ARHGEF3: variants seen among roughly 807,000 people sequenced by gnomAD.
The protein encoded by ARHGEF3 is Rho guanine nucleotide exchange factor 3, also known as 59.8 kDA protein.
Under a neutral mutation model 63.2 loss-of-function variants are expected in ARHGEF3, and 28 were observed. That is an observed-to-expected ratio of 0.44 (90% confidence interval 0.33 to 0.61). The LOEUF is 0.61. ARHGEF3 is among the 20% of genes least tolerant of loss of function. The probability of loss-of-function intolerance (pLI) is 0.03; values close to 1 mark genes in which losing one functional copy is unlikely to be tolerated. For synonymous variants in ARHGEF3, 266 were observed against 254.2 expected, an observed-to-expected ratio of 1.05 and a Z score of -0.44; for missense variants, 533 against 659.3, an observed-to-expected ratio of 0.81 and a Z score of 2.10.
intron 2 of ARHGEF3, among the ~76,000 whole-genome samples, chr3:57,024,551 G>A (rs1046922999): frequency 2.0e-5 from 3 of 152,008 alleles, no homozygotes; most frequent in South Asian, 2.1e-4. Flanking sequence ...GCAGTGGTGC[G>A]ATCTCGGCTC....
chr3:56,755,518 A>G (rs2035019435), intron 2 of ARHGEF3, among the ~76,000 whole-genome samples: 1 of 152,210 alleles, frequency 6.6e-6, no homozygotes, highest in African/African-American at 2.4e-5. Context: ...ACAATAGTGG[A>G]TGGCCTTTAT....
intron 2 of ARHGEF3, among the ~76,000 whole-genome samples, chr3:57,017,005 GTCTCTCTCTC>G (rs370663400): frequency 2.3e-5 from 3 of 129,134 alleles, no homozygotes; most frequent in South Asian, 2.6e-4. Flanking sequence ...CTTTCTCTCT[GTCTCTCTCTC>G]TCTCTCTCTC....
chr3:56,745,138 T>TG (rs1466267894), intron 7 of ARHGEF3, 67 bp downstream of exon 7: 1 of 1,554,194 alleles, frequency 6.4e-7, no homozygotes, highest in African/African-American at 1.4e-5. Context: ...ATTCACCCAC[T>TG]GACCCAATCC....
At chr3:56,816,168 T>C (rs547004768) in intron 4 of ARHGEF3, among the ~76,000 whole-genome samples, 116 of 152,256 alleles carry the variant, frequency 7.6e-4, no homozygotes, top group African/African-American at 2.7e-3. Flanking sequence ...TGAGCTATGA[T>C]TGTACCACTA....
chr3:56,889,333 C>G (rs774284170), intron 3 of ARHGEF3, among the ~76,000 whole-genome samples: 12 of 152,148 alleles, frequency 7.9e-5, no homozygotes, highest in African/African-American at 2.4e-4. Context: ...GTGGTCCAAG[C>G]CTGAATAGCG....
chr3:57,062,702 G>GCACA (rs148193521), intron 1 of ARHGEF3, among the ~76,000 whole-genome samples: 1 of 150,192 alleles, frequency 6.7e-6, no homozygotes, highest in Non-Finnish European at 1.5e-5. Context: ...CTACACACAT[G>GCACA]CACACACACA....
chr3:56,886,445 ATT>A (rs1221018072), intron 3 of ARHGEF3, among the ~76,000 whole-genome samples: 1 of 152,160 alleles, frequency 6.6e-6, no homozygotes, highest in Non-Finnish European at 1.5e-5. Context: ...ACATAAAGAC[ATT>A]TCACGCTCTA....
At chr3:56,815,161 A>T (rs1039384) in intron 4 of ARHGEF3, among the ~76,000 whole-genome samples, 1 of 151,652 alleles carries the variant, frequency 6.6e-6, no homozygotes, top group African/African-American at 2.4e-5. Context: ...ATTAAAAAAA[A>T]AAAAAAAAGA....
rs567560961 is a variant in ARHGEF3, at chr3:56,950,528, A to G, written c.129+8295T>C. On this transcript the variant is annotated intron_variant, in intron 3 of 12. Coordinates refer to the ARHGEF3 transcript ENST00000338458. ...TATGCAGCCAAAAGACACATGAAAA[A>G]ATGCTCATCATCACTGGCCATCAGA... Among the ~76,000 whole-genome samples the G allele has an allele frequency of 2.6e-3, 389 of 152,244 alleles. 8 individuals are homozygous for G. The highest frequency in any genetic ancestry group is 9.1e-3 in the African/African-American group (377 of 41,472).
chr3:56,949,018 C>T lies in ARHGEF3; in HGVS notation c.129+9805G>A, dbSNP rs900215374. Among the ~76,000 whole-genome samples, 132 of 151,976 alleles carry T rather than the reference C, an allele frequency of 8.7e-4. 4 individuals are homozygous for T. Among genetic ancestry groups the T allele is most frequent in the African/African-American group, 3.0e-3 (122 of 41,338 alleles). ...TAATCCAGCATAAAAACAGAACCAA[C>T]GACAAAAACCATATGATTATCTCAA... is the stretch of plus-strand genomic sequence containing the variant. On this transcript the variant is annotated intron_variant, in intron 3 of 12. Coordinates refer to the ARHGEF3 transcript ENST00000338458.
At chr3:56,739,962 C>G (rs1290993816) in intron 7 of ARHGEF3, among the ~76,000 whole-genome samples, 3 of 151,192 alleles carry the variant, frequency 2.0e-5, no homozygotes, top group African/African-American at 7.3e-5. Flanking sequence ...TGCAATGGCA[C>G]GATCTTGGCT....
intron 1 of ARHGEF3, among the ~76,000 whole-genome samples, chr3:57,052,846 T>C (rs1443012685): frequency 6.6e-6 from 1 of 151,932 alleles, no homozygotes; most frequent in Non-Finnish European, 1.5e-5. Context: ...CCAGAGACCA[T>C]CTAGAGCACA....
intron 3 of ARHGEF3, among the ~76,000 whole-genome samples, chr3:56,754,739 T>C (rs144178253): frequency 3.2e-4 from 48 of 152,200 alleles, no homozygotes; most frequent in African/African-American, 1.1e-3. Flanking sequence ...AAATAGACAC[T>C]TGGTTTCATC....
At position 56,859,181 on chromosome 3, in the gene ARHGEF3, C is replaced by T. The variant is rs537189891; in HGVS notation, c.192+23111G>A. Among the ~76,000 whole-genome samples, 133 of 152,112 alleles carry T rather than the reference C, an allele frequency of 8.7e-4. 1 individual carries two copies. The South Asian group carries it at 0.021, about 25-fold the overall frequency. On this transcript the variant is annotated intron_variant, in intron 4 of 12. Transcript: ENST00000338458. Reference sequence around the variant, plus strand: ...TTATTGTTTTGTTTTGTTTTTGAGACGGATGGAGTGTAGCGGTGTGATCTC... The same window carrying T: ...TTATTGTTTTGTTTTGTTTTTGAGATGGATGGAGTGTAGCGGTGTGATCTC...
rs569890688 is a variant in ARHGEF3, at chr3:56,991,429, G to A, written c.63-32540C>T. On this transcript the variant is annotated intron_variant, in intron 2 of 12. Coordinates refer to the ARHGEF3 transcript ENST00000338458. ...TTTCAAAGTCATCTATCTACACCCC[G>A]AGTCTGCTTACAGGGAGGTTATTTT... Among the ~76,000 whole-genome samples the A allele has an allele frequency of 3.3e-5, 5 of 152,220 alleles. No individual in the cohort carries two copies. The East Asian group carries it at 7.7e-4, about 24-fold the overall frequency.
intron 4 of ARHGEF3, among the ~76,000 whole-genome samples, chr3:56,816,103 T>C (rs373695486): frequency 6.6e-6 from 1 of 152,144 alleles, no homozygotes; most frequent in Non-Finnish European, 1.5e-5. Flanking sequence ...TAGTCCTAAC[T>C]ACTTTAGAAG....
intron 3 of ARHGEF3, among the ~76,000 whole-genome samples, chr3:56,954,452 C>T (rs1034023990): frequency 3.3e-5 from 5 of 152,176 alleles, no homozygotes; most frequent in Non-Finnish European, 5.9e-5. Context: ...TGCCTCACAG[C>T]GAGACACCCC....
intron 4 of ARHGEF3, among the ~76,000 whole-genome samples, chr3:56,865,294 G>A (rs905204833): frequency 1.3e-5 from 2 of 152,168 alleles, no homozygotes; most frequent in Admixed American, 6.5e-5. Flanking sequence ...CTACCACAGC[G>A]CACAGATTGG....
In ARHGEF3 at chr3:56,878,191, G is replaced by T. The variant is rs1453487662; in HGVS notation, c.192+4101C>A. Among the ~76,000 whole-genome samples the T allele has an allele frequency of 5.9e-5, 9 of 152,192 alleles. No homozygotes were observed. In the East Asian group the frequency reaches 1.7e-3, roughly 29 times the overall value. On this transcript the variant is annotated intron_variant, in intron 4 of 12. Coordinates refer to the ARHGEF3 transcript ENST00000338458. ...TGGCACCAAGGGCCTTTCCTGTGGT[G>T]ACATGAGCTACAGCGTCTCTCGCCC...
Sources: allele counts gnomAD v4.1 joint callset (sites outside exome capture counted in the v4.1 genomes callset), GRCh38; gene constraint gnomAD v4.1.1; transcripts MANE v1.5; gene names NCBI Gene and HGNC (gene_info 2026-07-23, HGNC 2026-07-21).